Variants in FBXO45 observed in about 807,000 individuals in gnomAD.
FBXO45 encodes the protein F-box/SPRY domain-containing protein 1.
FBXO45 carries 3 observed loss-of-function variants against 25.5 expected under a neutral mutation model. The ratio of observed to expected loss-of-function variants is 0.12; its 90% CI spans 0.05 to 0.30. The LOEUF (loss-of-function observed/expected upper bound fraction) is 0.30, where lower values mean the gene tolerates loss of function less well. Among genes scored for constraint, FBXO45 ranks in the 10% least tolerant of loss-of-function variants. FBXO45 has a pLI of 1.00. For missense variants in FBXO45, 219 were observed against 365.0 expected, an observed-to-expected ratio of 0.60 and a Z score of 3.26; for synonymous variants, 155 against 149.8, an observed-to-expected ratio of 1.03 and a Z score of -0.25.
In FBXO45 at chr3:196,569,234, G is replaced by A. The variant is rs1455514795; in HGVS notation, c.250G>A (p.Ala84Thr). ...CAGCGAGGTGTGGCGGAGCCTGTGC[G>A]CCCGCAGCCTGGCAGAAGAGGCTCT... ...ENSEVWRSLC[A>T]RSLAEEALRT... Residue 84 changes from alanine (A) to threonine (T), a missense_variant, in exon 1 of 3, where the codon GCC becomes ACC. Coordinates refer to ENST00000311630, the MANE Select transcript of FBXO45 (RefSeq NM_001105573.2). This position sits in a 1 kb window ranked among gnomAD's most constrained non-coding sequence, Gnocchi z 4.1. The A allele has an allele frequency of 1.3e-6, 2 of 1,582,162 alleles. No individual in the cohort carries two copies. The highest frequency in any genetic ancestry group is 1.3e-5 in the African/African-American group (1 of 74,262).
Position 196,585,500 on chromosome 3 carries a change from TAAG to T in FBXO45, c.*1185_*1187del, listed in dbSNP as rs1327322332. The T allele has an allele frequency of 2.0e-5, 3 of 152,358 alleles. No homozygotes were observed. Among genetic ancestry groups the T allele is most frequent in the African/African-American group, 7.2e-5 (3 of 41,588 alleles). 9.4% of individuals were successfully genotyped at this position (152,358 alleles called of 1,614,324 possible). On this transcript the variant is annotated 3_prime_UTR_variant, in exon 3 of 3. Transcript: ENST00000311630. ...GTTTACTTACCCAGCTGAAACAGGT[TAAG>T]AATATTCTTAATCTCATTATAGATA... is the stretch of plus-strand genomic sequence containing the variant.
rs757936064 is a variant in FBXO45 at position 196,577,629 on chromosome 3, G to A, written c.495G>A (p.Leu165=). The change falls in exon 2 of 3, where the codon CTG becomes CTA. Residue 165 remains leucine (L), a synonymous_variant. Coordinates refer to ENST00000311630, the MANE Select transcript of FBXO45 (RefSeq NM_001105573.2). ...GGGAAGTGTGGTGGGAGGGCCCTCT[G>A]GGCACTGTGGCAGTGATTGGAATTG... ...HAWEVWWEGP[L]GTVAVIGIAT... 3 of 1,613,754 alleles carry A rather than the reference G, an allele frequency of 1.9e-6. No homozygotes were observed. Among genetic ancestry groups the A allele is most frequent in the Non-Finnish European group, 2.5e-6 (3 of 1,179,752 alleles).
chr3:196,587,798 GTGTT>G lies in FBXO45; in HGVS notation c.*3482_*3485del, dbSNP rs1410600209. On this transcript the variant is annotated 3_prime_UTR_variant, in exon 3 of 3. Transcript: ENST00000311630. ...GATAGAAACTTAGGGAGTGGTGTGT[GTGTT>G]TCTTTTTTGGAGACAGAGTCACGCA... The G allele has an allele frequency of 6.6e-6, 1 of 152,146 alleles. No homozygotes were observed. The highest frequency in any genetic ancestry group is 1.5e-5 in the Non-Finnish European group (1 of 68,026). The allele number at this position is 152,146 out of a possible 1,614,324, so 9.4% of individuals were successfully genotyped here.
rs33962634 is a variant in FBXO45, at chr3:196,581,223, C to CTTTTTTTTTTTT, written c.676-2893_676-2882dup. The stretch of plus-strand genomic sequence containing the variant: ...TAGAATTTCCTTTTTTTTCTTTTTC[C>CTTTTTTTTTTTT]TTTTTTTTTTTTTTTTTTTTTTTTT... On this transcript the variant is annotated intron_variant, in intron 2 of 2. Coordinates refer to ENST00000311630, the MANE Select transcript of FBXO45 (RefSeq NM_001105573.2). 5.7e-4 allele frequency among the ~76,000 whole-genome samples: 36 copies of CTTTTTTTTTTTT among 63,678 alleles called. 7 individuals carry two copies. Among genetic ancestry groups the CTTTTTTTTTTTT allele is most frequent in the African/African-American group, 9.1e-4 (13 of 14,332 alleles). The allele number at this position is 63,678 out of a possible 152,430, so 41.8% of individuals were successfully genotyped here.
intron 1 of FBXO45, among the ~76,000 whole-genome samples, chr3:196,577,160 A>G (rs1411185077): frequency 6.6e-6 from 1 of 152,190 alleles, no homozygotes; most frequent in African/African-American, 2.4e-5. Context: ...TATTATCTGT[A>G]AGATATAAGG....
chr3:196,581,937 A>T (rs1736018169), intron 2 of FBXO45, among the ~76,000 whole-genome samples: 1 of 152,130 alleles, frequency 6.6e-6, no homozygotes, highest in South Asian at 2.1e-4. Flanking sequence ...CAGTTTTTTC[A>T]GCTTTGCTGC....
At chr3:196,581,271 G>C (rs373899819) in intron 2 of FBXO45, among the ~76,000 whole-genome samples, 1 of 103,348 alleles carries the variant, frequency 9.7e-6, no homozygotes, top group Non-Finnish European at 1.7e-5. Flanking sequence ...TCACTCTGTC[G>C]TCAGGCTGGA....
chr3:196,584,294 C>T lies in FBXO45; in HGVS notation c.837C>T (p.Tyr279=), dbSNP rs200109319. The T allele has an allele frequency of 6.2e-7, 1 of 1,607,764 alleles. No individual in the cohort carries two copies. The highest frequency in any genetic ancestry group is 8.5e-7 in the Non-Finnish European group (1 of 1,178,430). ...VYGNTEVTLV[Y]LGKPLDG The stretch of plus-strand genomic sequence containing the variant: ...GCAACACAGAAGTGACTTTGGTTTA[C>T]CTTGGAAAACCTTTGGACGGATGAC... The change falls in exon 3 of 3, where the codon TAC becomes TAT. Residue 279 remains tyrosine, a synonymous_variant. Transcript: ENST00000311630. The surrounding 1 kb of genome is among the most constrained non-coding windows in gnomAD (Gnocchi z 4.3).
Position 196,587,931 on chromosome 3 carries a change from A to AT in FBXO45, c.*3620dup, listed in dbSNP as rs1386211533. 2 of 151,396 alleles carry AT rather than the reference A, an allele frequency of 1.3e-5. No individual in the cohort carries two copies. The highest frequency in any genetic ancestry group is 2.9e-5 in the Non-Finnish European group (2 of 67,876). 9.4% of individuals were successfully genotyped at this position (151,396 alleles called of 1,614,324 possible). On this transcript the variant is annotated 3_prime_UTR_variant, in exon 3 of 3. Coordinates refer to ENST00000311630, the MANE Select transcript of FBXO45 (RefSeq NM_001105573.2). The stretch of plus-strand genomic sequence containing the variant: ...TAGCATGTGCCACCACACCTGGCTA[A>AT]TTTTTTTCTTTTTTCTTTTAGACGG...
intron 2 of FBXO45, among the ~76,000 whole-genome samples, chr3:196,581,222 C>CTTTTTTTTTTTTTTTTTT (rs1560319177): frequency 1.3e-5 from 1 of 75,924 alleles, no homozygotes; most frequent in Non-Finnish European, 2.8e-5. Context: ...TTTTCTTTTT[C>CTTTTTTTTTTTTTTTTTT]CTTTTTTTTT....
chr3:196,579,013 A>G (rs1735964392), intron 2 of FBXO45, among the ~76,000 whole-genome samples: 1 of 152,188 alleles, frequency 6.6e-6, no homozygotes, highest in South Asian at 2.1e-4. Flanking sequence ...TTGTGGATTC[A>G]AAGCCCCTGG....
rs1353157451 is a variant in FBXO45, at chr3:196,588,315, CT to C, written c.*3998del. The stretch of plus-strand genomic sequence containing the variant: ...TCCTGGCCAACACCACCCACCTCGC[CT>C]CCCAAAGTGCTGGGGTTACAGGCGC... On this transcript the variant is annotated 3_prime_UTR_variant, in exon 3 of 3. Coordinates refer to ENST00000311630, the MANE Select transcript of FBXO45 (RefSeq NM_001105573.2). This position sits in a 1 kb window ranked among gnomAD's most constrained non-coding sequence, Gnocchi z 4.2. The C allele has an allele frequency of 6.6e-6, 1 of 152,336 alleles. No individual in the cohort carries two copies. The highest frequency in any genetic ancestry group is 1.5e-5 in the Non-Finnish European group (1 of 68,138). 9.4% of individuals were successfully genotyped at this position (152,336 alleles called of 1,614,324 possible). A position where few individuals can be genotyped will look rare whatever the true frequency, so the allele number is the denominator to read the frequency against.
intron 1 of FBXO45, among the ~76,000 whole-genome samples, chr3:196,576,780 T>G (rs908871402): frequency 1.3e-5 from 2 of 152,210 alleles, no homozygotes; most frequent in Non-Finnish European, 2.9e-5. Context: ...ATTGGTGATT[T>G]TTTTATTGTG....
At chr3:196,581,743 TA>T (rs535848195) in intron 2 of FBXO45, among the ~76,000 whole-genome samples, 95 of 152,314 alleles carry the variant, frequency 6.2e-4, no homozygotes, top group African/African-American at 2.2e-3. Flanking sequence ...TCATATCTAG[TA>T]ATTTTTTTAA....
intron 2 of FBXO45, among the ~76,000 whole-genome samples, chr3:196,580,985 C>T (rs1006099892): frequency 2.0e-5 from 3 of 151,906 alleles, no homozygotes; most frequent in Admixed American, 2.0e-4. Context: ...CAGGGTTTTG[C>T]CATTTTGCCC....
At position 196,584,273 on chromosome 3, in the gene FBXO45, C is replaced by T. The variant is rs1736065045; in HGVS notation, c.816C>T (p.Asn272=). 3 of 1,609,740 alleles carry T rather than the reference C, an allele frequency of 1.9e-6. No individual in the cohort carries two copies. In the Admixed American group the frequency reaches 5.1e-5, roughly 27 times the overall value. ...LYPAVSAVYG[N]TEVTLVYLGK... ...CAGCAGTTTCTGCTGTATATGGCAA[C>T]ACAGAAGTGACTTTGGTTTACCTTG... Residue 272 remains asparagine, a synonymous_variant, in exon 3 of 3, where the codon AAC becomes AAT. Transcript: ENST00000311630. This position sits in a 1 kb window ranked among gnomAD's most constrained non-coding sequence, Gnocchi z 4.3.
intron 1 of FBXO45, among the ~76,000 whole-genome samples, chr3:196,573,091 T>A (rs1336881887): frequency 6.6e-6 from 1 of 152,148 alleles, no homozygotes. Context: ...CCAGCTAATT[T>A]TTATTATTAT....
chr3:196,588,072 C>CA lies in FBXO45; in HGVS notation c.*3755dup, dbSNP rs1736168974. ...TCAGTCTCCCGAGTAGCTGGGATTA[C>CA]AGGCACCTGCCACCATGCCTGGCTA... is the stretch of plus-strand genomic sequence containing the variant. On this transcript the variant is annotated 3_prime_UTR_variant, in exon 3 of 3. Coordinates refer to ENST00000311630, the MANE Select transcript of FBXO45 (RefSeq NM_001105573.2). The surrounding 1 kb of genome is among the most constrained non-coding windows in gnomAD (Gnocchi z 4.2). 1 of 152,322 alleles carries CA rather than the reference C, an allele frequency of 6.6e-6. No individual in the cohort carries two copies. Among genetic ancestry groups the CA allele is most frequent in the Non-Finnish European group, 1.5e-5 (1 of 68,154 alleles). 9.4% of individuals were successfully genotyped at this position (152,322 alleles called of 1,614,324 possible).
rs535351027 is a variant in FBXO45 at position 196,569,620 on chromosome 3, A to G, written c.318+318A>G. Among the ~76,000 whole-genome samples the G allele has an allele frequency of 5.9e-5, 9 of 152,204 alleles. No homozygotes were observed. The East Asian group carries it at 1.4e-3, about 23-fold the overall frequency. On this transcript the variant is annotated intron_variant, in intron 1 of 2. Transcript: ENST00000311630. The surrounding 1 kb of genome is among the most constrained non-coding windows in gnomAD (Gnocchi z 4.1). ...TTGTACCTTTTAATGCCCTCATCCT[A>G]CTTTTCTCCCCGGCCTCCAGATAGA...
Sources: gnomAD v4.1 joint callset for allele counts (sites outside exome capture counted in the v4.1 genomes callset) on GRCh38, gnomAD v4.1.1 for gene constraint, Gnocchi (gnomAD v3.1) non-coding constraint, MANE v1.5 for transcripts, NCBI Gene and HGNC (gene_info 2026-07-23, HGNC 2026-07-21) for gene names.